Variants in DOK5 observed in about 807,000 individuals in gnomAD.
The protein encoded by DOK5 is docking protein 5, also known as downstream of tyrosine kinase 5.
Under a neutral mutation model 43.3 loss-of-function variants are expected in DOK5, and 27 were observed. That is an observed-to-expected ratio of 0.62 (90% CI 0.46 to 0.86). The LOEUF (loss-of-function observed/expected upper bound fraction) is 0.86. Ranked by LOEUF, DOK5 falls within the 40% of genes least tolerant of loss-of-function variation. The pLI, the probability that DOK5 is intolerant of heterozygous loss-of-function variation, is 0.00. For missense variants in DOK5, 373 were observed against 392.9 expected (o/e 0.95, Z 0.43); for synonymous variants, 146 against 140.1 (o/e 1.04, Z -0.30).
intron 2 of DOK5, among the ~76,000 whole-genome samples, chr20:54,568,864 G>A (rs1041889568): frequency 1.3e-5 from 2 of 151,848 alleles, no homozygotes; most frequent in South Asian, 2.1e-4. Flanking sequence ...CCCGGGAGGC[G>A]GAGCTTACAG....
chr20:54,611,341 T>G (rs1436854729), intron 6 of DOK5, among the ~76,000 whole-genome samples: 1 of 152,110 alleles, frequency 6.6e-6, no homozygotes, highest in African/African-American at 2.4e-5. Flanking sequence ...GCAGACTGAT[T>G]GCTTGAGCCC....
At chr20:54,637,858 C>G (rs977534128) in intron 6 of DOK5, among the ~76,000 whole-genome samples, 1 of 152,298 alleles carries the variant, frequency 6.6e-6, no homozygotes, top group East Asian at 1.9e-4. Flanking sequence ...CGCGGTGGCT[C>G]ACGCCTGTAA....
chr20:54,589,113 C>T (rs1050209887), intron 4 of DOK5, among the ~76,000 whole-genome samples: 2 of 152,162 alleles, frequency 1.3e-5, no homozygotes, highest in Admixed American at 1.3e-4. Context: ...CTTTTCATAG[C>T]AGCCCTATGG....
At chr20:54,566,512 G>C (rs1461090728) in intron 2 of DOK5, among the ~76,000 whole-genome samples, 1 of 152,220 alleles carries the variant, frequency 6.6e-6, no homozygotes, top group Non-Finnish European at 1.5e-5. Context: ...CTGTGTTCCA[G>C]AGGGACTCTA....
At chr20:54,574,123 A>G (rs912678815) in intron 2 of DOK5, among the ~76,000 whole-genome samples, 4 of 152,126 alleles carry the variant, frequency 2.6e-5, no homozygotes, top group African/African-American at 9.7e-5. Flanking sequence ...CATCTGCTGC[A>G]AGTCTCTGTT....
At chr20:54,477,113 T>C (rs555946530) in intron 1 of DOK5, among the ~76,000 whole-genome samples, 1 of 152,202 alleles carries the variant, frequency 6.6e-6, no homozygotes, top group South Asian at 2.1e-4. Flanking sequence ...ATGTCAGTAA[T>C]CGTGTGGAAT....
At chr20:54,601,115 AC>A (rs1986286042) in intron 5 of DOK5, among the ~76,000 whole-genome samples, 1 of 152,120 alleles carries the variant, frequency 6.6e-6, no homozygotes, top group South Asian at 2.1e-4. Flanking sequence ...AGTGTTAGGG[AC>A]CCTCCAGGAG....
chr20:54,489,786 A>G (rs1199706883), intron 1 of DOK5, among the ~76,000 whole-genome samples: 1 of 152,206 alleles, frequency 6.6e-6, no homozygotes, highest in African/African-American at 2.4e-5. Flanking sequence ...CCTCTGTTAC[A>G]AACAGTGCTA....
chr20:54,608,257 G>A (rs6098107), intron 5 of DOK5, among the ~76,000 whole-genome samples: 7 of 152,096 alleles, frequency 4.6e-5, no homozygotes, highest in Non-Finnish European at 8.8e-5. Context: ...TGGCATTTAA[G>A]GAAGTAAATA....
chr20:54,613,488 C>T (rs890448475), intron 6 of DOK5, among the ~76,000 whole-genome samples: 31 of 152,194 alleles, frequency 2.0e-4, no homozygotes, highest in African/African-American at 4.6e-4. Flanking sequence ...TCCCTCTGCC[C>T]GCCACACAAG....
At chr20:54,647,230 C>T (rs995965098) in intron 7 of DOK5, among the ~76,000 whole-genome samples, 3 of 152,006 alleles carry the variant, frequency 2.0e-5, no homozygotes, top group African/African-American at 4.8e-5. Context: ...ACTGTCTGGG[C>T]GTGGTGGCTC....
intron 1 of DOK5, among the ~76,000 whole-genome samples, chr20:54,543,645 G>T (rs1239345212): frequency 6.6e-6 from 1 of 151,742 alleles, no homozygotes; most frequent in African/African-American, 2.4e-5. Flanking sequence ...ATTACGTATA[G>T]CTCAAATCTT....
chr20:54,538,933 G>T (rs1411640827), intron 1 of DOK5, among the ~76,000 whole-genome samples: 1 of 152,110 alleles, frequency 6.6e-6, no homozygotes, highest in Non-Finnish European at 1.5e-5. Context: ...AATCGAAAAG[G>T]TTACATACTG....
At chr20:54,603,309 C>T (rs1481279291) in intron 5 of DOK5, among the ~76,000 whole-genome samples, 2 of 152,156 alleles carry the variant, frequency 1.3e-5, no homozygotes, top group African/African-American at 4.8e-5. Flanking sequence ...TGATTTCCAG[C>T]GAGTACACAC....
At chr20:54,602,554 G>A (rs955534712) in intron 5 of DOK5, among the ~76,000 whole-genome samples, 1 of 152,162 alleles carries the variant, frequency 6.6e-6, no homozygotes, top group African/African-American at 2.4e-5. Context: ...ATTTCAGTTG[G>A]ATGCCGCATG....
chr20:54,517,057 T>A (rs1042728671), intron 1 of DOK5, among the ~76,000 whole-genome samples: 11 of 152,226 alleles, frequency 7.2e-5, no homozygotes, highest in African/African-American at 2.7e-4. Context: ...ATTCCCTTTT[T>A]TATTTGAGAG....
intron 1 of DOK5, among the ~76,000 whole-genome samples, chr20:54,524,390 G>T (rs1309907570): frequency 1.3e-5 from 2 of 152,148 alleles, no homozygotes; most frequent in African/African-American, 2.4e-5. Context: ...ACATGAGCAG[G>T]ACTTACCCTT....
At chr20:54,512,159 A>C (rs944828229) in intron 1 of DOK5, among the ~76,000 whole-genome samples, 2 of 152,124 alleles carry the variant, frequency 1.3e-5, no homozygotes, top group African/African-American at 2.4e-5. Context: ...TAATGAGTAG[A>C]CTCACCTATG....
chr20:54,514,852 C>T (rs930101851), intron 1 of DOK5, among the ~76,000 whole-genome samples: 5 of 151,880 alleles, frequency 3.3e-5, no homozygotes, highest in African/African-American at 1.2e-4. Flanking sequence ...TGCTCACCTG[C>T]CTTCCCCCAT....
Sources: gnomAD v4.1 joint callset for allele counts (sites outside exome capture counted in the v4.1 genomes callset) on GRCh38, gnomAD v4.1.1 for gene constraint, MANE v1.5 for transcripts, NCBI Gene and HGNC (gene_info 2026-07-23, HGNC 2026-07-21) for gene names.